The following SH3RF3 variants were observed in gnomAD, a reference collection of about 807,000 sequenced individuals.
The protein encoded by SH3RF3 is E3 ubiquitin-protein ligase SH3RF3.
Under a neutral mutation model 66.3 loss-of-function variants are expected in SH3RF3, and 29 were observed. That is an observed-to-expected ratio of 0.44 (90% CI 0.33 to 0.60). SH3RF3 has a LOEUF of 0.60. SH3RF3 is among the 20% of genes least tolerant of loss of function. SH3RF3 has a pLI of 0.04. For missense variants in SH3RF3, 1,194 were observed against 1,190.9 expected, an observed-to-expected ratio of 1.00 and a Z score of -0.04; for synonymous variants, 583 against 532.0, an observed-to-expected ratio of 1.10 and a Z score of -1.32.
chr2:109,397,929 G>A (rs1021142768), intron 3 of SH3RF3, among the ~76,000 whole-genome samples: 20 of 152,208 alleles, frequency 1.3e-4, no homozygotes, highest in African/African-American at 4.6e-4. Flanking sequence ...TGGGAGATGT[G>A]GGAAGGAGTC....
At chr2:109,455,966 G>A (rs761735653) in intron 8 of SH3RF3, among the ~76,000 whole-genome samples, 3 of 152,228 alleles carry the variant, frequency 2.0e-5, no homozygotes, top group Non-Finnish European at 4.4e-5. Context: ...ATTCACCCAC[G>A]TGGGAACCAT....
rs1002983165 is a variant in SH3RF3 at position 109,162,550 on chromosome 2, A to G, written c.573+32437A>G. ...TTTAACATTAGTCCCTACAAAGGAC[A>G]TGAACTCATCATTTTTTATGGCTGC... On this transcript the variant is annotated intron_variant, in intron 1 of 9. Transcript: ENST00000309415. 5.3e-5 allele frequency among the ~76,000 whole-genome samples: 8 copies of G among 152,246 alleles called. No homozygotes were observed. In the East Asian group the frequency reaches 5.8e-4, roughly 11 times the overall value.
At chr2:109,340,744 A>T (rs1256971809) in intron 1 of SH3RF3, among the ~76,000 whole-genome samples, 1 of 152,196 alleles carries the variant, frequency 6.6e-6, no homozygotes, top group Admixed American at 6.5e-5. Context: ...CATACTAAGA[A>T]GCACGGAAGG....
At chr2:109,315,068 G>A (rs1486722880) in intron 1 of SH3RF3, among the ~76,000 whole-genome samples, 2 of 152,184 alleles carry the variant, frequency 1.3e-5, no homozygotes, top group East Asian at 1.9e-4. Flanking sequence ...TACACGACAC[G>A]TTTCCATCAG....
intron 1 of SH3RF3, among the ~76,000 whole-genome samples, chr2:109,242,319 G>A (rs1048819983): frequency 2.0e-5 from 3 of 152,224 alleles, no homozygotes; most frequent in African/African-American, 7.2e-5. Context: ...AGGCCTGGGA[G>A]TCTAGAAGCT....
intron 1 of SH3RF3, among the ~76,000 whole-genome samples, chr2:109,211,676 G>A (rs1253564756): frequency 6.9e-6 from 1 of 144,628 alleles, no homozygotes; most frequent in African/African-American, 2.6e-5. Flanking sequence ...ATGGAGTCTC[G>A]CTCTGTCACC....
chr2:109,138,847 G>A (rs1404183008), intron 1 of SH3RF3, among the ~76,000 whole-genome samples: 1 of 152,178 alleles, frequency 6.6e-6, no homozygotes, highest in Non-Finnish European at 1.5e-5. Flanking sequence ...CCACCCTGTT[G>A]CAAATACTGT....
In SH3RF3 at chr2:109,449,526, G is replaced by A. The variant is rs750272755; in HGVS notation, c.2148+37G>A. 5.6e-6 allele frequency: 9 copies of A among 1,598,798 alleles called. No homozygotes were observed. In the East Asian group the frequency reaches 9.0e-5, roughly 16 times the overall value. ...ATCCTGGACGAGCCCTGGGCTCGAG[G>A]CCAGCTGCTTACTGTAACTTTTTGG... On this transcript the variant is annotated intron_variant, in intron 8 of 9. Transcript: ENST00000309415.
chr2:109,423,961 A>G (rs1023499136), intron 5 of SH3RF3, among the ~76,000 whole-genome samples: 1 of 152,192 alleles, frequency 6.6e-6, no homozygotes, highest in Non-Finnish European at 1.5e-5. Flanking sequence ...GAGTCTCTGG[A>G]TGACATAGAC....
chr2:109,474,979 T>C (rs2104741321), intron 8 of SH3RF3, among the ~76,000 whole-genome samples: 1 of 152,144 alleles, frequency 6.6e-6, no homozygotes, highest in East Asian at 1.9e-4. Flanking sequence ...TTTTGTTTGT[T>C]TGTTTGTTTG....
At chr2:109,367,558 A>G (rs755913739) in intron 2 of SH3RF3, among the ~76,000 whole-genome samples, 1 of 152,232 alleles carries the variant, frequency 6.6e-6, no homozygotes, top group Non-Finnish European at 1.5e-5. Flanking sequence ...CTGGGATTAC[A>G]GGCATGAGCC....
intron 1 of SH3RF3, among the ~76,000 whole-genome samples, chr2:109,335,737 C>T (rs551086489): frequency 5.3e-5 from 8 of 152,226 alleles, no homozygotes; most frequent in Non-Finnish European, 4.4e-5. Context: ...GAACCGCACC[C>T]CACAAGTAAC....
chr2:109,270,419 T>G (rs1187303177), intron 1 of SH3RF3, among the ~76,000 whole-genome samples: 1 of 152,012 alleles, frequency 6.6e-6, no homozygotes, highest in East Asian at 1.9e-4. Context: ...TGGCTGAGGG[T>G]GCCTGCAGCT....
intron 1 of SH3RF3, among the ~76,000 whole-genome samples, chr2:109,315,720 G>C (rs906342520): frequency 1.3e-5 from 2 of 152,188 alleles, no homozygotes; most frequent in African/African-American, 2.4e-5. Flanking sequence ...GGTTCCTCTG[G>C]GGCTCTTTCA....
At chr2:109,429,871 C>T (rs774096515) in intron 5 of SH3RF3, among the ~76,000 whole-genome samples, 6 of 152,200 alleles carry the variant, frequency 3.9e-5, no homozygotes, top group South Asian at 2.1e-4. Context: ...CCAAGCTCCA[C>T]GCTGTGCAGG....
rs201894498 is a variant in SH3RF3 at position 109,484,062 on chromosome 2, CCTTT to C, written c.2149-6538_2149-6535del. Among the ~76,000 whole-genome samples, 967 of 119,764 alleles carry C rather than the reference CCTTT, an allele frequency of 8.1e-3. 19 individuals are homozygous for C. Among genetic ancestry groups the C allele is most frequent in the African/African-American group, 0.025 (787 of 31,878 alleles). 78.6% of individuals were successfully genotyped at this position (119,764 alleles called of 152,430 possible). ...GGCACCAAGGTGTGCCATCCTCTGG[CCTTT>C]CTTTTTTTTTTTTTTTTTTGAGACC... On this transcript the variant is annotated intron_variant, in intron 8 of 9. Coordinates refer to ENST00000309415, the MANE Select transcript of SH3RF3 (RefSeq NM_001099289.3).
At chr2:109,396,841 C>A (rs1041502797) in intron 3 of SH3RF3, among the ~76,000 whole-genome samples, 2 of 152,252 alleles carry the variant, frequency 1.3e-5, no homozygotes, top group Admixed American at 6.5e-5. Flanking sequence ...AGGTAGCCTG[C>A]ACTTCCATAG....
At chr2:109,431,716 A>T (rs1480258361) in intron 5 of SH3RF3, among the ~76,000 whole-genome samples, 1 of 152,180 alleles carries the variant, frequency 6.6e-6, no homozygotes, top group Non-Finnish European at 1.5e-5. Context: ...TACAAAAAAT[A>T]AAAAACTTAG....
At chr2:109,158,330 T>C (rs987395247) in intron 1 of SH3RF3, among the ~76,000 whole-genome samples, 4 of 152,200 alleles carry the variant, frequency 2.6e-5, no homozygotes, top group Non-Finnish European at 4.4e-5. Context: ...CTTTGGGGAC[T>C]CCCTCAACGC....
Sources: gnomAD v4.1 joint callset for allele counts (sites outside exome capture counted in the v4.1 genomes callset) on GRCh38, gnomAD v4.1.1 for gene constraint, MANE v1.5 for transcripts, NCBI Gene and HGNC (gene_info 2026-07-23, HGNC 2026-07-21) for gene names.